The following RBFOX1 variants were observed in gnomAD, a reference collection of about 807,000 sequenced individuals.
RBFOX1 encodes the protein RNA binding protein fox-1 homolog 1.
RBFOX1 carries 8 observed loss-of-function variants against 57.7 expected under a neutral mutation model. The observed-to-expected ratio is 0.14, with a 90% CI of 0.08 to 0.25. The LOEUF is 0.25. Ranked by LOEUF, RBFOX1 falls within the 10% of genes least tolerant of loss-of-function variation. The pLI is 1.00. For synonymous variants in RBFOX1, 326 were observed against 222.4 expected (o/e 1.47, Z -4.15); for missense variants, 611 against 548.5 (o/e 1.11, Z -1.14).
chr16:5,728,238 T>G (rs541142160), intron 3 of RBFOX1, among the ~76,000 whole-genome samples: 55 of 152,272 alleles, frequency 3.6e-4, no homozygotes, highest in Non-Finnish European at 6.5e-4. Context: ...ATACAGAAAA[T>G]GCGGTGTAGA....
intron 3 of RBFOX1, among the ~76,000 whole-genome samples, chr16:6,874,198 T>C (rs1360385596): frequency 6.6e-6 from 1 of 151,700 alleles, no homozygotes; most frequent in South Asian, 2.1e-4. Flanking sequence ...CACAAACACA[T>C]GCTACTCAGC....
At chr16:7,449,732 G>GT (rs2098836710) in intron 4 of RBFOX1, among the ~76,000 whole-genome samples, 1 of 138,342 alleles carries the variant, frequency 7.2e-6, no homozygotes, top group Non-Finnish European at 1.6e-5. Context: ...GTGTGTGTGG[G>GT]GGGGGGGGGT....
At chr16:7,040,740 C>G (rs34729572) in intron 3 of RBFOX1, among the ~76,000 whole-genome samples, 14,287 of 152,094 alleles carry the variant, frequency 0.094, 1,120 homozygotes, top group East Asian at 0.32. Flanking sequence ...ATGATTTTAA[C>G]TTGCTTTTGT....
chr16:6,788,583 C>T (rs947300553), intron 3 of RBFOX1, among the ~76,000 whole-genome samples: 1 of 151,990 alleles, frequency 6.6e-6, no homozygotes, highest in African/African-American at 2.4e-5. Flanking sequence ...TCACGCCATT[C>T]TCCTGCCTCA....
chr16:7,205,975 G>C (rs112545886), intron 4 of RBFOX1, among the ~76,000 whole-genome samples: 204 of 152,372 alleles, frequency 1.3e-3, no homozygotes, highest in African/African-American at 4.6e-3. Flanking sequence ...TCTACGACAT[G>C]ATGAGCCTAT....
At chr16:7,366,776 A>C (rs1408913544) in intron 4 of RBFOX1, among the ~76,000 whole-genome samples, 1 of 152,174 alleles carries the variant, frequency 6.6e-6, no homozygotes, top group Non-Finnish European at 1.5e-5. Flanking sequence ...AAACACATAA[A>C]GGGATTAAAG....
chr16:5,247,068 C>A (rs976210450), intron 1 of RBFOX1, among the ~76,000 whole-genome samples: 2 of 152,186 alleles, frequency 1.3e-5, no homozygotes, highest in Non-Finnish European at 2.9e-5. Context: ...CCTCCAGGCT[C>A]ATCCATGTTG....
chr16:6,871,518 A>C (rs559710704), intron 3 of RBFOX1, among the ~76,000 whole-genome samples: 1 of 151,778 alleles, frequency 6.6e-6, no homozygotes, highest in East Asian at 1.9e-4. Flanking sequence ...CCTCTCCCTT[A>C]TCCCTCATGC....
intron 4 of RBFOX1, among the ~76,000 whole-genome samples, chr16:7,177,450 C>T (rs1047009133): frequency 6.6e-6 from 1 of 150,804 alleles, no homozygotes; most frequent in African/African-American, 2.5e-5. Flanking sequence ...CAAAATACCA[C>T]AAGCACACTG....
In RBFOX1 at chr16:6,019,802, C is replaced by T; in HGVS notation, c.-317C>T. ...GGGTCCCCGCCTGTCCGGACCCTCGCCGCGCCCAGGCAGGCGCGCCAGGGC... is the reference window on the plus strand; with the variant it reads ...GGGTCCCCGCCTGTCCGGACCCTCGTCGCGCCCAGGCAGGCGCGCCAGGGC... On this transcript the variant is annotated 5_prime_UTR_variant, in exon 1 of 16. Coordinates refer to ENST00000550418, the MANE Select transcript of RBFOX1 (RefSeq NM_018723.4). The surrounding 1 kb of genome is among the most constrained non-coding windows in gnomAD (Gnocchi z 4.2). The T allele has an allele frequency of 2.0e-6, 3 of 1,487,578 alleles. No homozygotes were observed. The highest frequency in any genetic ancestry group is 1.8e-6 in the Non-Finnish European group (2 of 1,117,918). 92.1% of individuals were successfully genotyped at this position (1,487,578 alleles called of 1,614,324 possible).
chr16:7,540,136 C>T (rs1345206114), intron 5 of RBFOX1, among the ~76,000 whole-genome samples: 1 of 152,212 alleles, frequency 6.6e-6, no homozygotes, highest in Non-Finnish European at 1.5e-5. Context: ...CCCCCGTCTC[C>T]TCCTTTCAAA....
At chr16:7,363,163 T>C (rs1365347826) in intron 4 of RBFOX1, among the ~76,000 whole-genome samples, 1 of 152,098 alleles carries the variant, frequency 6.6e-6, no homozygotes, top group Non-Finnish European at 1.5e-5. Context: ...TATGAGAGGC[T>C]TTGGGAGAGA....
intron 1 of RBFOX1, among the ~76,000 whole-genome samples, chr16:5,450,623 G>A (rs1360232539): frequency 1.3e-5 from 2 of 152,302 alleles, no homozygotes; most frequent in East Asian, 3.9e-4. Flanking sequence ...TCCACAGGGG[G>A]ATCTCAGTGC....
chr16:5,826,229 T>C (rs1237790952), intron 3 of RBFOX1, among the ~76,000 whole-genome samples: 10 of 151,396 alleles, frequency 6.6e-5, no homozygotes, highest in Non-Finnish European at 1.0e-4. Flanking sequence ...TACTTACTCA[T>C]TTACAAACAC....
At chr16:6,221,159 A>G (rs1327500716) in intron 1 of RBFOX1, among the ~76,000 whole-genome samples, 1 of 152,192 alleles carries the variant, frequency 6.6e-6, no homozygotes, top group Non-Finnish European at 1.5e-5. Context: ...CTTGCACAGT[A>G]CTTTACATGT....
intron 11 of RBFOX1, among the ~76,000 whole-genome samples, chr16:7,647,393 G>A (rs1212303245): frequency 6.6e-6 from 1 of 152,126 alleles, no homozygotes; most frequent in African/African-American, 2.4e-5. Flanking sequence ...GCTTCAGAAG[G>A]AATCTCTTCA....
chr16:6,161,126 T>G (rs547691732), intron 1 of RBFOX1, among the ~76,000 whole-genome samples: 1 of 152,132 alleles, frequency 6.6e-6, no homozygotes, highest in Non-Finnish European at 1.5e-5. Flanking sequence ...CAGTGACTCA[T>G]GCTTGTCATC....
At chr16:7,526,264 T>C (rs1437238481) in intron 5 of RBFOX1, among the ~76,000 whole-genome samples, 1 of 152,074 alleles carries the variant, frequency 6.6e-6, no homozygotes, top group Non-Finnish European at 1.5e-5. Flanking sequence ...TACCAAAAAT[T>C]TTGGGGACTG....
chr16:7,187,155 T>G (rs1212694615), intron 4 of RBFOX1, among the ~76,000 whole-genome samples: 1 of 151,708 alleles, frequency 6.6e-6, no homozygotes, highest in Non-Finnish European at 1.5e-5. Flanking sequence ...GGCGATGGAG[T>G]GATACTCTGT....
Sources: allele counts gnomAD v4.1 joint callset (sites outside exome capture counted in the v4.1 genomes callset), GRCh38; gene constraint gnomAD v4.1.1; non-coding constraint Gnocchi (gnomAD v3.1); transcripts MANE v1.5; gene names NCBI Gene and HGNC (gene_info 2026-07-23, HGNC 2026-07-21).